TTF2: variants seen among roughly 807,000 people sequenced by gnomAD.
The protein encoded by TTF2 is transcription termination factor 2.
Under a neutral mutation model 142.4 loss-of-function variants are expected in TTF2, and 108 were observed. The ratio of observed to expected loss-of-function variants is 0.76; its 90% CI spans 0.65 to 0.89. The LOEUF (loss-of-function observed/expected upper bound fraction) is 0.89. Ranked by LOEUF, TTF2 falls within the 40% of genes least tolerant of loss-of-function variation. The pLI is 0.00. For synonymous variants in TTF2, 483 were observed against 506.2 expected (o/e 0.95, Z 0.61); for missense variants, 1,327 against 1,379.8 (o/e 0.96, Z 0.61).
chr1:117,081,269 A>G (rs771357659), intron 9 of TTF2, among the ~76,000 whole-genome samples: 9 of 152,236 alleles, frequency 5.9e-5, no homozygotes, highest in South Asian at 2.1e-4. Context: ...AGTAGCCTCA[A>G]TGTTGCAGTC....
intron 3 of TTF2, among the ~76,000 whole-genome samples, chr1:117,068,450 G>A (rs751949778): frequency 3.3e-5 from 5 of 151,418 alleles, no homozygotes; most frequent in African/African-American, 7.3e-5. Flanking sequence ...TGTAAATGAC[G>A]AGTTAATGGG....
intron 19 of TTF2, 140 bp downstream of exon 19, chr1:117,095,507 C>G (rs1210499109): frequency 1.4e-6 from 1 of 726,362 alleles, no homozygotes; most frequent in Non-Finnish European, 2.3e-6. Flanking sequence ...CCTGTGATTT[C>G]TAATTAAAAT....
At chr1:117,064,965 T>C (rs1655974631) in intron 3 of TTF2, among the ~76,000 whole-genome samples, 1 of 152,182 alleles carries the variant, frequency 6.6e-6, no homozygotes, top group African/African-American at 2.4e-5. Context: ...TTTAGCATCA[T>C]GTTTTGAAGA....
intron 22 of TTF2, 86 bp downstream of exon 22, chr1:117,098,993 T>C: frequency 7.6e-7 from 1 of 1,311,572 alleles, no homozygotes; most frequent in Non-Finnish European, 1.1e-6. Context: ...TTTCATAGAA[T>C]TTAAAGTATT....
At chr1:117,068,514 G>A (rs1656329513) in intron 3 of TTF2, among the ~76,000 whole-genome samples, 1 of 149,652 alleles carries the variant, frequency 6.7e-6, no homozygotes. Flanking sequence ...TGCACATTGT[G>A]CACATGTACC....
At chr1:117,072,735 A>T (rs909018357) in intron 3 of TTF2, among the ~76,000 whole-genome samples, 1 of 152,086 alleles carries the variant, frequency 6.6e-6, no homozygotes, top group African/African-American at 2.4e-5. Context: ...GATATGAACT[A>T]TTTTTTAAAA....
rs1183119814 is a variant in TTF2, at chr1:117,093,272, T to A, written c.2976+371T>A. On this transcript the variant is annotated intron_variant, in intron 18 of 22. Coordinates refer to ENST00000369466, the MANE Select transcript of TTF2 (RefSeq NM_003594.4). The surrounding 1 kb of genome is among the most constrained non-coding windows in gnomAD (Gnocchi z 4.5). ...AACAAAGGCTTGACTCTAGAGACTGTGTCATACATGCGAGCGCCAATTGCT... is the reference window on the plus strand; with the variant it reads ...AACAAAGGCTTGACTCTAGAGACTGAGTCATACATGCGAGCGCCAATTGCT... Among the ~76,000 whole-genome samples, 2 of 152,202 alleles carry A rather than the reference T, an allele frequency of 1.3e-5. No individual in the cohort carries two copies. The highest frequency in any genetic ancestry group is 2.9e-5 in the Non-Finnish European group (2 of 68,030).
rs888396411 is a variant in TTF2, at chr1:117,092,764, C to T, written c.2839C>T (p.Leu947Phe). The T allele has an allele frequency of 6.2e-7, 1 of 1,614,168 alleles. No individual in the cohort carries two copies. The highest frequency in any genetic ancestry group is 8.5e-7 in the Non-Finnish European group (1 of 1,180,028). ...LDPMELKGEG[L>F]VLSLEEQLSA... ...TCCAATGGAACTGAAGGGTGAAGGTCTTGTCCTTTCCCTGGAAGAACAGCT... is the reference window on the plus strand; with the variant it reads ...TCCAATGGAACTGAAGGGTGAAGGTTTTGTCCTTTCCCTGGAAGAACAGCT... The change falls in exon 18 of 23, where the codon CTT (leucine) becomes TTT (phenylalanine). Residue 947 changes from leucine (L) to phenylalanine (F), a missense_variant. Coordinates refer to ENST00000369466, the MANE Select transcript of TTF2 (RefSeq NM_003594.4). This position sits in a 1 kb window ranked among gnomAD's most constrained non-coding sequence, Gnocchi z 4.4.
chr1:117,081,592 A>C (rs1209247133), intron 9 of TTF2, among the ~76,000 whole-genome samples: 1 of 152,220 alleles, frequency 6.6e-6, no homozygotes, highest in East Asian at 1.9e-4. Context: ...GTAAGTTTTA[A>C]ATTTTACAAG....
In TTF2 at chr1:117,092,649, TA is replaced by T; in HGVS notation, c.2806-79del. 1 of 1,489,846 alleles carries T rather than the reference TA, an allele frequency of 6.7e-7. No homozygotes were observed. Among genetic ancestry groups the T allele is most frequent in the Admixed American group, 2.0e-5 (1 of 48,910 alleles). The allele number at this position is 1,489,846 out of a possible 1,614,324, so 92.3% of individuals were successfully genotyped here. On this transcript the variant is annotated intron_variant, in intron 17 of 22. Coordinates refer to ENST00000369466, the MANE Select transcript of TTF2 (RefSeq NM_003594.4). This position sits in a 1 kb window ranked among gnomAD's most constrained non-coding sequence, Gnocchi z 4.4. ...CAAGATATTTTGCTCTGTGAAGTGG[TA>T]AACAATCAAAACATCATCAACAAGT...
intron 8 of TTF2, 144 bp downstream of exon 8, chr1:117,078,187 T>C: frequency 9.8e-7 from 1 of 1,023,064 alleles, no homozygotes; most frequent in South Asian, 1.8e-5. Context: ...TCTCCTTTTA[T>C]GCTTAACAGT....
Position 117,076,285 on chromosome 1 carries a change from C to G in TTF2, c.1381C>G (p.Pro461Ala), listed in dbSNP as rs1368043030. 1 of 1,613,746 alleles carries G rather than the reference C, an allele frequency of 6.2e-7. No individual in the cohort carries two copies. The highest frequency in any genetic ancestry group is 1.7e-5 in the Admixed American group (1 of 59,966). Residue 461 changes from proline to alanine, a missense_variant, in exon 6 of 23, where the codon CCA becomes GCA. Pro to Ala is a conservative substitution (Grantham distance 27). Transcript: ENST00000369466. The surrounding 1 kb of genome is among the most constrained non-coding windows in gnomAD (Gnocchi z 4.6). ...EEVLSGLTLS[P>A]EQGTNEKSNS... The stretch of plus-strand genomic sequence containing the variant: ...AGTACTCAGTGGTCTTACCCTTTCC[C>G]CAGAGCAAGGTAAAGTGGCTTATGC...
rs1416943802 is a variant in TTF2, at chr1:117,093,263, T to C, written c.2976+362T>C. On this transcript the variant is annotated intron_variant, in intron 18 of 22. Transcript: ENST00000369466. The surrounding 1 kb of genome is among the most constrained non-coding windows in gnomAD (Gnocchi z 4.5). ...TAAAAGGAAAACAAAGGCTTGACTC[T>C]AGAGACTGTGTCATACATGCGAGCG... Among the ~76,000 whole-genome samples, 1 of 152,214 alleles carries C rather than the reference T, an allele frequency of 6.6e-6. No homozygotes were observed. The highest frequency in any genetic ancestry group is 2.4e-5 in the African/African-American group (1 of 41,458).
rs145592100 is a variant in TTF2, at chr1:117,062,076, C to T, written c.132-311C>T. Among the ~76,000 whole-genome samples, 841 of 152,256 alleles carry T rather than the reference C, an allele frequency of 5.5e-3. 9 individuals are homozygous for T. The highest frequency in any genetic ancestry group is 0.02 in the African/African-American group (813 of 41,554). On this transcript the variant is annotated intron_variant, in intron 2 of 22. Transcript: ENST00000369466. ...GAGCCTGGGGAAAATTCATACAGGG[C>T]CTCACAGCCAGCCCTAATTATGTCA...
At chr1:117,072,422 C>CTTTTTTT (rs34927356) in intron 3 of TTF2, among the ~76,000 whole-genome samples, 2 of 102,034 alleles carry the variant, frequency 2.0e-5, no homozygotes, top group East Asian at 2.7e-4. Flanking sequence ...AAGATACGGA[C>CTTTTTTT]TTTTTTTTTT....
intron 10 of TTF2, among the ~76,000 whole-genome samples, chr1:117,083,028 G>A (rs973736139): frequency 2.6e-5 from 4 of 151,948 alleles, no homozygotes; most frequent in Non-Finnish European, 5.9e-5. Context: ...GGATAACAAG[G>A]TCAGGAGACC....
chr1:117,073,786 C>A lies in TTF2; in HGVS notation c.285+59C>A. The A allele has an allele frequency of 6.7e-7, 1 of 1,499,738 alleles. No individual in the cohort carries two copies. The allele number at this position is 1,499,738 out of a possible 1,614,324, so 92.9% of individuals were successfully genotyped here. A position where few individuals can be genotyped will look rare whatever the true frequency, so the allele number is the denominator to read the frequency against. On this transcript the variant is annotated intron_variant, in intron 4 of 22. Coordinates refer to ENST00000369466, the MANE Select transcript of TTF2 (RefSeq NM_003594.4). The surrounding 1 kb of genome is among the most constrained non-coding windows in gnomAD (Gnocchi z 4.4). ...TGTTAAGACTTTTAATATGCAGCAT[C>A]ACCTGAAAATACCTTGAAGTTCACG...
intron 22 of TTF2, 64 bp downstream of exon 22, chr1:117,098,971 C>G (rs1649378591): frequency 7.0e-7 from 1 of 1,434,264 alleles, no homozygotes; most frequent in African/African-American, 1.4e-5. Context: ...GTCTTTCTTT[C>G]TTAGGTAGTG....
chr1:117,086,589 A>T lies in TTF2; in HGVS notation c.2160+67A>T. ...AGATGGTTTAATGGGAGTCTTTCTC[A>T]GCCTCCACGATAGCAAGAGGACCTC... On this transcript the variant is annotated intron_variant, in intron 12 of 22. Coordinates refer to ENST00000369466, the MANE Select transcript of TTF2 (RefSeq NM_003594.4). The surrounding 1 kb of genome is among the most constrained non-coding windows in gnomAD (Gnocchi z 4.2). The T allele has an allele frequency of 8.7e-7, 1 of 1,155,812 alleles. No individual in the cohort carries two copies. Among genetic ancestry groups the T allele is most frequent in the Admixed American group, 1.9e-5 (1 of 53,096 alleles). The allele number at this position is 1,155,812 out of a possible 1,614,324, so 71.6% of individuals were successfully genotyped here.
Sources: gnomAD v4.1 joint callset for allele counts (sites outside exome capture counted in the v4.1 genomes callset) on GRCh38, gnomAD v4.1.1 for gene constraint, Gnocchi (gnomAD v3.1) non-coding constraint, MANE v1.5 for transcripts, NCBI Gene and HGNC (gene_info 2026-07-23, HGNC 2026-07-21) for gene names.